NFATC4: variants seen among roughly 807,000 people sequenced by gnomAD.
NFATC4 encodes the protein nuclear factor of activated T cells 4.
NFATC4 carries 25 observed loss-of-function variants against 73.4 expected under a neutral mutation model. The observed-to-expected ratio is 0.34, with a 90% CI of 0.25 to 0.48. The LOEUF (loss-of-function observed/expected upper bound fraction) is 0.48, where lower values mean the gene tolerates loss of function less well. NFATC4 is among the 20% of genes least tolerant of loss of function. The probability of loss-of-function intolerance (pLI) is 0.99; values close to 1 mark genes in which losing one functional copy is unlikely to be tolerated. For synonymous variants in NFATC4, 523 were observed against 510.3 expected (o/e 1.02, Z -0.34); for missense variants, 1,130 against 1,203.7 (o/e 0.94, Z 0.91).
rs1249047026 is a variant in NFATC4, at chr14:24,373,683, C to CTT, written c.1560-10_1560-9dup. 6.3e-7 allele frequency: 1 copy of CTT among 1,594,810 alleles called. No individual in the cohort carries two copies. Among genetic ancestry groups the CTT allele is most frequent in the East Asian group, 2.2e-5 (1 of 44,652 alleles). ...CAGCTAGGAGGGCTTGCCATCCATC[C>CTT]TTTGCCTCCAGCATTGACTGCGCGG... On this transcript the variant is annotated splice_polypyrimidine_tract_variant and intron_variant, in intron 4 of 9. Coordinates refer to ENST00000250373, the MANE Select transcript of NFATC4 (RefSeq NM_004554.5). The surrounding 1 kb of genome is among the most constrained non-coding windows in gnomAD (Gnocchi z 4.7).
chr14:24,372,394 C>G, intron 2 of NFATC4, 47 bp from the exon 3 acceptor site: 1 of 1,596,070 alleles, frequency 6.3e-7, no homozygotes, highest in East Asian at 2.2e-5. Context: ...ACGGGCCTGA[C>G]TGGGGTCTGA....
At position 24,375,685 on chromosome 14, in the gene NFATC4, G is replaced by C; in HGVS notation, c.1899G>C (p.Glu633Asp). 6.4e-7 allele frequency: 1 copy of C among 1,559,394 alleles called. No homozygotes were observed. The highest frequency in any genetic ancestry group is 1.2e-5 in the South Asian group (1 of 84,706). Residue 633 changes from glutamate to aspartate, a missense_variant, in exon 7 of 10, where the codon GAG (glutamate) becomes GAC (aspartate). Physicochemically the swap from Glu to Asp is conservative, Grantham distance 45. Around this residue, in one of 3 missense-constraint regions of NFATC4, gnomAD observed 390 missense variants for 408.1 expected, o/e 0.96. Transcript: ENST00000250373. ...ATGGGAAGCTGCAATGGGAGGAGGA[G>C]GCCACAGTGAACCGACTGCAGAGCA... Reference protein sequence around the residue: ...GPDGKLQWEEEATVNRLQSNE... With the variant: ...GPDGKLQWEEDATVNRLQSNE...
In NFATC4 at chr14:24,377,573, G is replaced by A. The variant is rs1337907820; in HGVS notation, c.2642-65G>A. 2.5e-6 allele frequency: 4 copies of A among 1,612,282 alleles called. No individual in the cohort carries two copies. Among genetic ancestry groups the A allele is most frequent in the Non-Finnish European group, 3.4e-6 (4 of 1,178,994 alleles). On this transcript the variant is annotated intron_variant, in intron 9 of 9. Transcript: ENST00000250373. The surrounding 1 kb of genome is among the most constrained non-coding windows in gnomAD (Gnocchi z 4.2). ...AAGACCTGCCTGGAATGGATTGGGG[G>A]TGGGTCTTTGGAAAAGGAGGGGACC...
At position 24,376,461 on chromosome 14, in the gene NFATC4, G is replaced by A. The variant is rs183076331; in HGVS notation, c.2224G>A (p.Gly742Ser). The A allele has an allele frequency of 4.5e-4, 731 of 1,613,646 alleles. 5 individuals carry two copies. The highest frequency in any genetic ancestry group is 4.2e-5 in the Non-Finnish European group (50 of 1,179,840). The change falls in exon 9 of 10, where the codon GGC (glycine) becomes AGC (serine). Residue 742 changes from glycine (G) to serine (S), a missense_variant. By Grantham distance (56) the Gly-to-Ser change is moderately conservative (BLOSUM62 0). Transcript: ENST00000250373. This position sits in a 1 kb window ranked among gnomAD's most constrained non-coding sequence, Gnocchi z 5.0. ...AACTCCTTACCTATCAGAAGGCTTC[G>A]GCTATGGCATGCCCCCTCTGTACCC... ...CETPYLSEGF[G>S]YGMPPLYPQT...
Position 24,377,431 on chromosome 14 carries a change from C to T in NFATC4, c.2642-207C>T. On this transcript the variant is annotated intron_variant, in intron 9 of 9. Transcript: ENST00000250373. This position sits in a 1 kb window ranked among gnomAD's most constrained non-coding sequence, Gnocchi z 4.2. Reference sequence around the variant, plus strand: ...AGGGCTAGGACGGGTGCCTGGGAGCCCACATGGAGGGAGTTGGGCAAGATT... The same window carrying T: ...AGGGCTAGGACGGGTGCCTGGGAGCTCACATGGAGGGAGTTGGGCAAGATT... The T allele has an allele frequency of 7.0e-7, 1 of 1,420,936 alleles. No individual in the cohort carries two copies. The highest frequency in any genetic ancestry group is 1.4e-5 in the African/African-American group (1 of 69,560). The allele number at this position is 1,420,936 out of a possible 1,614,324, so 88.0% of individuals were successfully genotyped here.
chr14:24,370,029 C>A lies in NFATC4; in HGVS notation c.631C>A (p.Leu211Met). ...AAATGAGGCGGCCTCCCGCTTTGGC[C>A]TGGGCTCCCCGCTGCCCTCGCCCCG... ...ELNEAASRFG[L>M]GSPLPSPRAS... Residue 211 changes from leucine (L) to methionine (M), a missense_variant, in exon 2 of 10, where the codon CTG becomes ATG. By Grantham distance (15) the Leu-to-Met change is conservative. Coordinates refer to ENST00000250373, the MANE Select transcript of NFATC4 (RefSeq NM_004554.5). The A allele has an allele frequency of 6.2e-7, 1 of 1,611,428 alleles. No homozygotes were observed. The highest frequency in any genetic ancestry group is 8.5e-7 in the Non-Finnish European group (1 of 1,179,934).
chr14:24,375,551 G>A, intron 6 of NFATC4, 109 bp from the exon 7 acceptor site: 2 of 1,117,318 alleles, frequency 1.8e-6, no homozygotes, highest in East Asian at 2.6e-5. Flanking sequence ...GACCTTCTAG[G>A]GCCTTCTGAA....
chr14:24,369,377 G>T, intron 1 of NFATC4, 122 bp from the exon 2 acceptor site: 1 of 1,600,840 alleles, frequency 6.2e-7, no homozygotes, highest in Non-Finnish European at 8.5e-7. Context: ...GGCTCAGAAG[G>T]TCTCTTTGCT....
rs771605504 is a variant in NFATC4 at position 24,372,508 on chromosome 14, G to A, written c.1264G>A (p.Glu422Lys). 6 of 1,614,046 alleles carry A rather than the reference G, an allele frequency of 3.7e-6. No individual in the cohort carries two copies. The highest frequency in any genetic ancestry group is 1.7e-5 in the Admixed American group (1 of 60,020). Residue 422 changes from glutamate (E) to lysine (K), a missense_variant, in exon 3 of 10, where the codon GAG becomes AAG. By Grantham distance (56) the Glu-to-Lys change is moderately conservative (BLOSUM62 1). Coordinates refer to ENST00000250373, the MANE Select transcript of NFATC4 (RefSeq NM_004554.5). ...SQYEQLELRI[E>K]VQPRAHHRAH... ...ATATGAGCAGCTGGAGCTGAGGATCGAGGTACAGCCTAGAGCCCACCACCG... is the reference window on the plus strand; with the variant it reads ...ATATGAGCAGCTGGAGCTGAGGATCAAGGTACAGCCTAGAGCCCACCACCG...
chr14:24,375,212 C>G (rs1450671377), intron 6 of NFATC4, among the ~76,000 whole-genome samples: 1 of 152,146 alleles, frequency 6.6e-6, no homozygotes, highest in African/African-American at 2.4e-5. Context: ...CTGCCTCTGG[C>G]CCCTATATCC....
Position 24,379,463 on chromosome 14 carries a change from A to G in NFATC4, c.*1758A>G, listed in dbSNP as rs1014497859. On this transcript the variant is annotated 3_prime_UTR_variant, in exon 10 of 10. Coordinates refer to ENST00000250373, the MANE Select transcript of NFATC4 (RefSeq NM_004554.5). ...GACTTGTTGCCTCTCAAGGTGGACT[A>G]TTCTGTTTTCTGCCAGGACACTGCC... The G allele has an allele frequency of 6.6e-6, 1 of 152,228 alleles. No individual in the cohort carries two copies. The highest frequency in any genetic ancestry group is 1.5e-5 in the Non-Finnish European group (1 of 68,046). The allele number at this position is 152,228 out of a possible 1,614,324, so 9.4% of individuals were successfully genotyped here.
At position 24,368,194 on chromosome 14, in the gene NFATC4, G is replaced by A. The variant is rs1183096329; in HGVS notation, c.-147G>A. The A allele has an allele frequency of 5.5e-6, 7 of 1,278,862 alleles. No individual in the cohort carries two copies. Among genetic ancestry groups the A allele is most frequent in the Middle Eastern group, 3.0e-4 (1 of 3,350 alleles). 79.2% of individuals were successfully genotyped at this position (1,278,862 alleles called of 1,614,324 possible). A position where few individuals can be genotyped will look rare whatever the true frequency, so the allele number is the denominator to read the frequency against. On this transcript the variant is annotated 5_prime_UTR_variant, in exon 1 of 10. Coordinates refer to ENST00000250373, the MANE Select transcript of NFATC4 (RefSeq NM_004554.5). ...AGTTTGGAAAAGTTTCTATAATAAC[G>A]AGGGGGCTTCTGGAGGGAGGCGGCA...
In NFATC4 at chr14:24,376,444, A is replaced by G. The variant is rs2042621170; in HGVS notation, c.2207A>G (p.Tyr736Cys). 1 of 1,612,998 alleles carries G rather than the reference A, an allele frequency of 6.2e-7. No homozygotes were observed. The highest frequency in any genetic ancestry group is 8.5e-7 in the Non-Finnish European group (1 of 1,179,732). ...GAAGACCCTGCTTGCGAAACTCCTT[A>G]CCTATCAGAAGGCTTCGGCTATGGC... ...PHEDPACETP[Y>C]LSEGFGYGMP... Residue 736 changes from tyrosine to cysteine, a missense_variant, in exon 9 of 10, where the codon TAC (tyrosine) becomes TGC (cysteine). Around this residue, in one of 3 missense-constraint regions of NFATC4, gnomAD observed 390 missense variants for 408.1 expected, o/e 0.96. Coordinates refer to ENST00000250373, the MANE Select transcript of NFATC4 (RefSeq NM_004554.5). This position sits in a 1 kb window ranked among gnomAD's most constrained non-coding sequence, Gnocchi z 5.0.
rs1268161995 is a variant in NFATC4 at position 24,373,299 on chromosome 14, C to T, written c.1488C>T (p.Ser496=). The T allele has an allele frequency of 6.2e-7, 1 of 1,614,078 alleles. No individual in the cohort carries two copies. Among genetic ancestry groups the T allele is most frequent in the Admixed American group, 1.7e-5 (1 of 60,012 alleles). Residue 496 remains serine, a synonymous_variant, in exon 4 of 10, where the codon AGC becomes AGT. Coordinates refer to ENST00000250373, the MANE Select transcript of NFATC4 (RefSeq NM_004554.5). The surrounding 1 kb of genome is among the most constrained non-coding windows in gnomAD (Gnocchi z 4.7). ...CAGGCAAGATGGTGGCCACGGCCAG[C>T]TATGAAGCCGTAGTCAGTGGCACCA... ...RITGKMVATA[S]YEAVVSGTKV...
In NFATC4 at chr14:24,369,634, C is replaced by T; in HGVS notation, c.236C>T (p.Ala79Val). The T allele has an allele frequency of 1.2e-6, 2 of 1,613,102 alleles. No individual in the cohort carries two copies. Among genetic ancestry groups the T allele is most frequent in the Middle Eastern group, 1.7e-4 (1 of 6,056 alleles). The change falls in exon 2 of 10, where the codon GCC (alanine) becomes GTC (valine). Residue 79 changes from alanine to valine, a missense_variant. Around this residue, in one of 3 missense-constraint regions of NFATC4, gnomAD observed 585 missense variants for 574.3 expected, o/e 1.02. Transcript: ENST00000250373. ...PGMHSPPPRP[A>V]PSPGTWESQP... ...ATGCATTCGCCACCGCCGCGACCAG[C>T]CCCCTCACCTGGCACCTGGGAGAGC...
At chr14:24,375,759 G>GGCCCC (rs2139308144) in intron 7 of NFATC4, 44 bp downstream of exon 7, 73 of 616,866 alleles carry the variant, frequency 1.2e-4, no homozygotes, top group Non-Finnish European at 1.9e-4. Context: ...GGGGGTGGGA[G>GGCCCC]AAGGCAGGGG....
Position 24,376,125 on chromosome 14 carries a change from T to TG in NFATC4, c.2056+29dup. 1 of 1,613,636 alleles carries TG rather than the reference T, an allele frequency of 6.2e-7. No individual in the cohort carries two copies. The highest frequency in any genetic ancestry group is 8.5e-7 in the Non-Finnish European group (1 of 1,179,808). ...TGGTGCGCTCTGGGACAGCCCATGGTGGGGGTATAGGGATATGGGGAGCTG... is the reference window on the plus strand; with the variant it reads ...TGGTGCGCTCTGGGACAGCCCATGGTGGGGGGTATAGGGATATGGGGAGCTG... On this transcript the variant is annotated intron_variant, in intron 8 of 9. Coordinates refer to ENST00000250373, the MANE Select transcript of NFATC4 (RefSeq NM_004554.5). This position sits in a 1 kb window ranked among gnomAD's most constrained non-coding sequence, Gnocchi z 5.0.
chr14:24,373,215 C>A lies in NFATC4; in HGVS notation c.1404C>A (p.Ile468=). ...AGCCACTGACCCTACAGATGTTCAT[C>A]GGCACTGCAGATGAAAGGAACCTGC... ...SEKPLTLQMF[I]GTADERNLRP... The change falls in exon 4 of 10, where the codon ATC becomes ATA. Residue 468 remains isoleucine, a synonymous_variant. Coordinates refer to ENST00000250373, the MANE Select transcript of NFATC4 (RefSeq NM_004554.5). This position sits in a 1 kb window ranked among gnomAD's most constrained non-coding sequence, Gnocchi z 4.7. The A allele has an allele frequency of 6.2e-7, 1 of 1,614,206 alleles. No individual in the cohort carries two copies. Among genetic ancestry groups the A allele is most frequent in the Non-Finnish European group, 8.5e-7 (1 of 1,180,044 alleles).
chr14:24,373,108 G>C lies in NFATC4; in HGVS notation c.1360-63G>C. Reference sequence around the variant, plus strand: ...CATCCCATGGTAGACTGAAAATCTAGGGATGAATAAAGGATGAGACGGTGG... The same window carrying C: ...CATCCCATGGTAGACTGAAAATCTACGGATGAATAAAGGATGAGACGGTGG... On this transcript the variant is annotated intron_variant, in intron 3 of 9. Coordinates refer to ENST00000250373, the MANE Select transcript of NFATC4 (RefSeq NM_004554.5). This position sits in a 1 kb window ranked among gnomAD's most constrained non-coding sequence, Gnocchi z 4.7. The C allele has an allele frequency of 5.3e-6, 8 of 1,514,330 alleles. 2 individuals carry two copies. In the South Asian group the frequency reaches 9.2e-5, roughly 17 times the overall value. The allele number at this position is 1,514,330 out of a possible 1,614,324, so 93.8% of individuals were successfully genotyped here. A position where few individuals can be genotyped will look rare whatever the true frequency, so the allele number is the denominator to read the frequency against.
Sources: gnomAD v4.1 joint callset for allele counts (sites outside exome capture counted in the v4.1 genomes callset) on GRCh38, gnomAD v4.1.1 for gene constraint, gnomAD v4.1.1 regional missense constraint, Gnocchi (gnomAD v3.1) non-coding constraint, MANE v1.5 for transcripts, NCBI Gene and HGNC (gene_info 2026-07-23, HGNC 2026-07-21) for gene names.